Variants in SLC1A1 observed in about 807,000 individuals in gnomAD.
SLC1A1 encodes the protein excitatory amino acid transporter 3.
SLC1A1 carries 43 observed loss-of-function variants against 53.3 expected under a neutral mutation model. That is an observed-to-expected ratio of 0.81 (90% confidence interval 0.63 to 1.04). The LOEUF is 1.04. SLC1A1 is among the 50% of genes least tolerant of loss of function. SLC1A1 has a pLI of 0.00. For missense variants in SLC1A1, 748 were observed against 664.9 expected (o/e 1.12, Z -1.37); for synonymous variants, 307 against 243.2 (o/e 1.26, Z -2.44).
At chr9:4,513,229 T>C (rs753435315) in intron 1 of SLC1A1, among the ~76,000 whole-genome samples, 1 of 151,932 alleles carries the variant, frequency 6.6e-6, no homozygotes, top group Non-Finnish European at 1.5e-5. Context: ...TAAATCTCTT[T>C]CTCTCCAAAA....
At chr9:4,523,684 A>G (rs1205296599) in intron 1 of SLC1A1, among the ~76,000 whole-genome samples, 1 of 152,248 alleles carries the variant, frequency 6.6e-6, no homozygotes, top group Non-Finnish European at 1.5e-5. Context: ...GAAAATCTAT[A>G]AAGAGTATAT....
intron 1 of SLC1A1, among the ~76,000 whole-genome samples, chr9:4,521,544 T>C (rs1816071276): frequency 6.6e-6 from 1 of 152,226 alleles, no homozygotes; most frequent in Non-Finnish European, 1.5e-5. Flanking sequence ...GCTTCCGAAT[T>C]GCTCTTAAAG....
At chr9:4,525,925 C>A (rs1816241582) in intron 1 of SLC1A1, among the ~76,000 whole-genome samples, 1 of 152,056 alleles carries the variant, frequency 6.6e-6, no homozygotes, top group South Asian at 2.1e-4. Context: ...ATATTTAGAA[C>A]TAAACAAAAG....
chr9:4,538,080 G>A (rs1246453233), intron 1 of SLC1A1, among the ~76,000 whole-genome samples: 3 of 152,150 alleles, frequency 2.0e-5, no homozygotes, highest in African/African-American at 7.2e-5. Context: ...CTGACATATA[G>A]TATGTGTTTA....
intron 5 of SLC1A1, among the ~76,000 whole-genome samples, chr9:4,567,294 T>C (rs546161969): frequency 6.6e-6 from 1 of 152,360 alleles, no homozygotes; most frequent in African/African-American, 2.4e-5. Flanking sequence ...TTAAAAATCA[T>C]TTATTAATTA....
At chr9:4,523,989 C>T (rs1379812222) in intron 1 of SLC1A1, among the ~76,000 whole-genome samples, 1 of 152,188 alleles carries the variant, frequency 6.6e-6, no homozygotes, top group Admixed American at 6.5e-5. Flanking sequence ...CAAAATGCTT[C>T]ATGTGATTTA....
intron 2 of SLC1A1, among the ~76,000 whole-genome samples, chr9:4,548,122 G>C (rs6476876): frequency 0.64 from 97,183 of 151,844 alleles, 31,279 homozygotes; most frequent in Admixed American, 0.65. Context: ...ATGGAGTCTG[G>C]CCTGAGATCC....
chr9:4,521,610 A>AT lies in SLC1A1; in HGVS notation c.92-22951dup, dbSNP rs1457221851. 5.9e-5 allele frequency among the ~76,000 whole-genome samples: 9 copies of AT among 152,236 alleles called. No individual in the cohort carries two copies. In the East Asian group the frequency reaches 1.7e-3, roughly 29 times the overall value. ...CATCCAGGAAGAATATTTGCAGCACATTTTTTCTTGTCATGATGAGTTTGC... is the reference window on the plus strand; with the variant it reads ...CATCCAGGAAGAATATTTGCAGCACATTTTTTTCTTGTCATGATGAGTTTGC... On this transcript the variant is annotated intron_variant, in intron 1 of 11. Transcript: ENST00000262352.
At chr9:4,565,208 G>C (rs1424420475) in intron 4 of SLC1A1, among the ~76,000 whole-genome samples, 1 of 152,120 alleles carries the variant, frequency 6.6e-6, no homozygotes, top group Non-Finnish European at 1.5e-5. Flanking sequence ...ATGTGGCTTA[G>C]ATTTTATAGA....
Position 4,576,083 on chromosome 9 carries a change from A to G in SLC1A1, c.958A>G (p.Met320Val), listed in dbSNP as rs752123388. The change falls in exon 9 of 12, where the codon ATG becomes GTG. Residue 320 changes from methionine (M) to valine (V), a missense_variant. Transcript: ENST00000262352. ...RKNPFRFAMGMAQALLTALMI... is the reference protein window; with the variant it reads ...RKNPFRFAMGVAQALLTALMI... The stretch of plus-strand genomic sequence containing the variant: ...GAACCCTTTCCGATTTGCCATGGGA[A>G]TGGCCCAGGCTCTCCTGACAGCTCT... The G allele has an allele frequency of 3.7e-6, 6 of 1,613,938 alleles. No individual in the cohort carries two copies. The South Asian group carries it at 5.5e-5, about 15-fold the overall frequency.
At chr9:4,577,329 T>TG (rs1272504015) in intron 10 of SLC1A1, among the ~76,000 whole-genome samples, 13 of 152,182 alleles carry the variant, frequency 8.5e-5, no homozygotes, top group Non-Finnish European at 1.8e-4. Context: ...ACAGATTTCT[T>TG]GCTATGGCTG....
chr9:4,504,238 C>G (rs189579407), intron 1 of SLC1A1, among the ~76,000 whole-genome samples: 22 of 152,308 alleles, frequency 1.4e-4, no homozygotes, highest in Admixed American at 5.9e-4. Flanking sequence ...TGAATCAACC[C>G]TGGATGGTAG....
chr9:4,501,582 T>C (rs1820633328), intron 1 of SLC1A1, among the ~76,000 whole-genome samples: 1 of 151,496 alleles, frequency 6.6e-6, no homozygotes, highest in African/African-American at 2.4e-5. Flanking sequence ...CTGACCAACA[T>C]GGAGAAACCC....
chr9:4,569,084 A>G (rs924526436), intron 6 of SLC1A1, among the ~76,000 whole-genome samples: 1 of 152,138 alleles, frequency 6.6e-6, no homozygotes, highest in Non-Finnish European at 1.5e-5. Flanking sequence ...AAGAGCAAAA[A>G]AAGAGCCCTG....
At chr9:4,521,051 ACTGT>A (rs1398836225) in intron 1 of SLC1A1, among the ~76,000 whole-genome samples, 1 of 152,116 alleles carries the variant, frequency 6.6e-6, no homozygotes, top group African/African-American at 2.4e-5. Flanking sequence ...TTATATGCTT[ACTGT>A]CCATTTGTAT....
At chr9:4,534,583 CA>C (rs1816602457) in intron 1 of SLC1A1, among the ~76,000 whole-genome samples, 2 of 151,778 alleles carry the variant, frequency 1.3e-5, no homozygotes, top group Non-Finnish European at 1.5e-5. Flanking sequence ...GCTTACCAAC[CA>C]AAAAAAGTCC....
At chr9:4,543,761 T>C (rs1817218622) in intron 1 of SLC1A1, among the ~76,000 whole-genome samples, 1 of 152,174 alleles carries the variant, frequency 6.6e-6, no homozygotes, top group South Asian at 2.1e-4. Context: ...AATAAATCAA[T>C]AGGCTATTAT....
chr9:4,501,890 T>A (rs1282047292), intron 1 of SLC1A1, among the ~76,000 whole-genome samples: 2 of 151,754 alleles, frequency 1.3e-5, no homozygotes, highest in African/African-American at 4.9e-5. Context: ...TTCTATTGCT[T>A]AAGAGTTACC....
chr9:4,546,684 A>G (rs1817521623), intron 2 of SLC1A1, among the ~76,000 whole-genome samples: 1 of 152,216 alleles, frequency 6.6e-6, no homozygotes, highest in Non-Finnish European at 1.5e-5. Context: ...GTTTTTAAAC[A>G]TGGGGTCTTG....
Sources: gnomAD v4.1 joint callset for allele counts (sites outside exome capture counted in the v4.1 genomes callset) on GRCh38, gnomAD v4.1.1 for gene constraint, MANE v1.5 for transcripts, NCBI Gene and HGNC (gene_info 2026-07-23, HGNC 2026-07-21) for gene names.